Variants in SAMD5 observed in about 807,000 individuals in gnomAD.
SAMD5 encodes sterile alpha motif domain-containing protein 5.
A neutral mutation model predicts 11.3 loss-of-function variants in SAMD5; 13 were observed. The ratio of observed to expected loss-of-function variants is 1.15; its 90% CI spans 0.75 to 1.83. The LOEUF (loss-of-function observed/expected upper bound fraction) is 1.83. Among genes scored for constraint, SAMD5 ranks in the 40% most tolerant of loss-of-function variants. The pLI is 0.00. For missense variants in SAMD5, 255 were observed against 239.1 expected (o/e 1.07, Z -0.44); for synonymous variants, 129 against 111.3 (o/e 1.16, Z -1.00).
At chr6:147,921,659 C>T in the SAMD5 span, among the ~76,000 whole-genome samples, 4 of 152,266 alleles carry the variant, frequency 2.6e-5, no homozygotes, top group South Asian at 6.2e-4. Flanking sequence ...CCCAAACCTC[C>T]GTGCATTGGG....
intron 1 of SAMD5, among the ~76,000 whole-genome samples, chr6:147,557,974 G>C (rs1788884441): frequency 6.6e-6 from 1 of 152,186 alleles, no homozygotes; most frequent in Non-Finnish European, 1.5e-5. Context: ...TTATGTAAAA[G>C]TGTACGTTCA....
chr6:147,737,238 C>A, intron 1 of SAMD5: 1 of 774,116 alleles, frequency 1.3e-6, no homozygotes, highest in Non-Finnish European at 1.7e-6. Context: ...GTTTTCAGTT[C>A]CCCCTTCACC....
At chr6:147,712,837 C>T (rs932422140) in intron 1 of SAMD5, among the ~76,000 whole-genome samples, 8 of 151,330 alleles carry the variant, frequency 5.3e-5, no homozygotes, top group Non-Finnish European at 8.8e-5. Context: ...GTTGTTTAAG[C>T]CACCAAGTCT....
chr6:147,710,882 G>A (rs1478842380), intron 1 of SAMD5, among the ~76,000 whole-genome samples: 1 of 151,928 alleles, frequency 6.6e-6, no homozygotes, highest in Non-Finnish European at 1.5e-5. Flanking sequence ...TAAGTACTTT[G>A]AAGGGAGAAA....
chr6:147,594,616 A>T (rs1789503271), intron 1 of SAMD5, among the ~76,000 whole-genome samples: 1 of 152,244 alleles, frequency 6.6e-6, no homozygotes. Flanking sequence ...TCCTTTTAAT[A>T]GTCAAAGGAG....
the SAMD5 span, among the ~76,000 whole-genome samples, chr6:147,761,769 A>G: frequency 6.6e-6 from 1 of 152,204 alleles, no homozygotes; most frequent in Admixed American, 6.5e-5. Context: ...GCTGGAGTGC[A>G]GTGGCAAGTT....
the SAMD5 span, among the ~76,000 whole-genome samples, chr6:147,870,396 C>G: frequency 6.6e-6 from 1 of 151,290 alleles, no homozygotes; most frequent in South Asian, 2.1e-4. Flanking sequence ...CTTTTCTATG[C>G]CACAGAAGCA....
At chr6:147,669,445 T>TG (rs1491098706) in intron 1 of SAMD5, among the ~76,000 whole-genome samples, 964 of 91,504 alleles carry the variant, frequency 0.011, 5 homozygotes, top group African/African-American at 0.03. Context: ...TTTTTTTTTT[T>TG]GAGACAGAGT....
intron 1 of SAMD5, among the ~76,000 whole-genome samples, chr6:147,597,771 G>A (rs1043417346): frequency 6.6e-6 from 1 of 152,190 alleles, no homozygotes; most frequent in Admixed American, 6.5e-5. Context: ...GTGAGCCCCA[G>A]GTTCCCTGAA....
At chr6:147,840,264 G>A in the SAMD5 span, among the ~76,000 whole-genome samples, 1 of 152,196 alleles carries the variant, frequency 6.6e-6, no homozygotes, top group Admixed American at 6.5e-5. Flanking sequence ...TATATTCACT[G>A]ATTCGTTCTA....
chr6:147,687,424 G>T (rs1229651927), intron 1 of SAMD5, among the ~76,000 whole-genome samples: 1 of 151,374 alleles, frequency 6.6e-6, no homozygotes, highest in Non-Finnish European at 1.5e-5. Context: ...CCACAGACAT[G>T]CGCCACCATA....
the SAMD5 span, among the ~76,000 whole-genome samples, chr6:147,849,492 G>T: frequency 2.0e-5 from 3 of 152,024 alleles, no homozygotes; most frequent in Non-Finnish European, 4.4e-5. Flanking sequence ...ATTTACTTAA[G>T]AGTAACGCTC....
chr6:147,518,429 G>C (rs942481454), intron 1 of SAMD5, among the ~76,000 whole-genome samples: 11 of 152,166 alleles, frequency 7.2e-5, no homozygotes, highest in Admixed American at 5.2e-4. Context: ...AAATAAGGTA[G>C]AAATAAGAAC....
chr6:147,617,213 T>G (rs1789886194), intron 1 of SAMD5, among the ~76,000 whole-genome samples: 1 of 152,170 alleles, frequency 6.6e-6, no homozygotes, highest in Admixed American at 6.5e-5. Context: ...ATTTGCAGAA[T>G]TACACTAACT....
the SAMD5 span, among the ~76,000 whole-genome samples, chr6:147,833,667 C>T: frequency 6.6e-6 from 1 of 152,084 alleles, no homozygotes; most frequent in Non-Finnish European, 1.5e-5. Flanking sequence ...TAAAATAGTA[C>T]TTTTTTCCTG....
rs1322552640 is a variant in SAMD5, at chr6:147,509,151, A to G, written c.223A>G (p.Thr75Ala). 2 of 1,431,216 alleles carry G rather than the reference A, an allele frequency of 1.4e-6. No individual in the cohort carries two copies. The highest frequency in any genetic ancestry group is 2.8e-5 in the Admixed American group (1 of 35,164). 88.7% of individuals were successfully genotyped at this position (1,431,216 alleles called of 1,614,324 possible). The change falls in exon 1 of 2, where the codon ACG becomes GCG. Residue 75 changes from threonine (T) to alanine (A), a missense_variant. Thr to Ala is a moderately conservative substitution (Grantham distance 58). Coordinates refer to ENST00000367474, the MANE Select transcript of SAMD5 (RefSeq NM_001030060.3). ...QDANAAGLYFTLEPQPAPPGP... is the reference protein window; with the variant it reads ...QDANAAGLYFALEPQPAPPGP... Reference sequence around the variant, plus strand: ...CGCCAACGCCGCCGGCCTCTACTTCACGCTTGAGCCGCAGCCGGCGCCCCC... The same window carrying G: ...CGCCAACGCCGCCGGCCTCTACTTCGCGCTTGAGCCGCAGCCGGCGCCCCC...
intron 1 of SAMD5, among the ~76,000 whole-genome samples, chr6:147,525,744 T>G (rs1424994167): frequency 6.6e-6 from 1 of 152,158 alleles, no homozygotes; most frequent in African/African-American, 2.4e-5. Flanking sequence ...CCTTTGCCAG[T>G]CAGCATTAGG....
chr6:147,802,914 G>T, the SAMD5 span, among the ~76,000 whole-genome samples: 1 of 152,176 alleles, frequency 6.6e-6, no homozygotes, highest in Non-Finnish European at 1.5e-5. Flanking sequence ...CCAGGAAAGG[G>T]CATGAAGGAA....
chr6:147,923,553 T>C, the SAMD5 span, among the ~76,000 whole-genome samples: 2 of 152,194 alleles, frequency 1.3e-5, no homozygotes, highest in African/African-American at 4.8e-5. Context: ...TAGATTTTGG[T>C]CTTAAAGCAG....
Sources: allele counts gnomAD v4.1 joint callset (sites outside exome capture counted in the v4.1 genomes callset), GRCh38; gene constraint gnomAD v4.1.1; transcripts MANE v1.5; gene names NCBI Gene and HGNC (gene_info 2026-07-23, HGNC 2026-07-21).